Variants in YY1AP1 observed in about 807,000 individuals in gnomAD.
YY1AP1 encodes YY1 associated protein 1.
Under a neutral mutation model 39.9 loss-of-function variants are expected in YY1AP1, and 43 were observed. The ratio of observed to expected loss-of-function variants is 1.08; its 90% CI spans 0.84 to 1.39. The LOEUF is 1.39. YY1AP1 is among the 40% of genes most tolerant of loss of function. The pLI is 0.00. For missense variants in YY1AP1, 813 were observed against 900.7 expected (o/e 0.90, Z 1.25); for synonymous variants, 292 against 331.3 (o/e 0.88, Z 1.29).
chr1:155,663,349 AACAGAGTGAG>A (rs1558300150), intron 9 of YY1AP1, among the ~76,000 whole-genome samples: 1 of 143,408 alleles, frequency 7.0e-6, no homozygotes, highest in Non-Finnish European at 1.5e-5. Context: ...CCAGCCTGGC[AACAGAGTGAG>A]ACTCCATCTC....
At chr1:155,683,732 G>GT (rs899533420) in intron 2 of YY1AP1, among the ~76,000 whole-genome samples, 22 of 150,554 alleles carry the variant, frequency 1.5e-4, no homozygotes, top group African/African-American at 4.9e-4. Flanking sequence ...AAAGAGAACT[G>GT]TCATAACCAC....
chr1:155,683,097 C>T (rs951083966), intron 2 of YY1AP1, among the ~76,000 whole-genome samples: 1 of 150,860 alleles, frequency 6.6e-6, no homozygotes, highest in African/African-American at 2.4e-5. Flanking sequence ...AAAAAAAAAA[C>T]AAAAAACAAA....
At chr1:155,661,607 A>G (rs953473391) in intron 9 of YY1AP1, among the ~76,000 whole-genome samples, 184 bp from the exon 10 acceptor site, 1 of 152,126 alleles carries the variant, frequency 6.6e-6, no homozygotes, top group Non-Finnish European at 1.5e-5. Context: ...TATGCTGAAT[A>G]CTTGTACATT....
rs116705598 is a variant in YY1AP1, at chr1:155,678,507, C to A, written c.125+902G>T. On this transcript the variant is annotated intron_variant, in intron 4 of 10. Coordinates refer to ENST00000355499, the MANE Select transcript of YY1AP1 (RefSeq NM_139119.3). ...GGATGAATGGTTCCATTCTGCTATA[C>A]CAGAATTTTGTTCTATGAACTATAA... 9.7e-3 allele frequency among the ~76,000 whole-genome samples: 1,481 copies of A among 152,178 alleles called. 21 individuals carry two copies. The highest frequency in any genetic ancestry group is 0.034 in the African/African-American group (1,418 of 41,496).
At chr1:155,679,206 A>G in intron 4 of YY1AP1, 1 of 1,515,056 alleles carries the variant, frequency 6.6e-7, no homozygotes, top group Non-Finnish European at 8.9e-7. Context: ...TCCCTTCCCA[A>G]ACAGATACAG....
chr1:155,686,904 C>G (rs1183102035), intron 2 of YY1AP1, among the ~76,000 whole-genome samples: 1 of 151,578 alleles, frequency 6.6e-6, no homozygotes, highest in Non-Finnish European at 1.5e-5. Flanking sequence ...TCAGATTTGC[C>G]GACAAAGACT....
rs1175261116 is a variant in YY1AP1 at position 155,678,819 on chromosome 1, C to T, written c.125+590G>A. 4.6e-5 allele frequency among the ~76,000 whole-genome samples: 7 copies of T among 152,286 alleles called. No individual in the cohort carries two copies. In the East Asian group the frequency reaches 5.8e-4, roughly 13 times the overall value. On this transcript the variant is annotated intron_variant, in intron 4 of 10. Coordinates refer to ENST00000355499, the MANE Select transcript of YY1AP1 (RefSeq NM_139119.3). The stretch of plus-strand genomic sequence containing the variant: ...TGGCACAAACTGCATCCTGACCTCT[C>T]GCCATCGACCTAATGATTATATGCT...
Position 155,661,436 on chromosome 1 carries a change from A to G in YY1AP1, c.880-13T>C, listed in dbSNP as rs758977671. 1.7e-5 allele frequency: 28 copies of G among 1,613,728 alleles called. No individual in the cohort carries two copies. Among genetic ancestry groups the G allele is most frequent in the Non-Finnish European group, 2.3e-5 (27 of 1,179,854 alleles). Reference sequence around the variant, plus strand: ...TCTTCTTATAAAACTTAACATGAAAAAAATGCGCATGAATTACATTCCTTC... The same window carrying G: ...TCTTCTTATAAAACTTAACATGAAAGAAATGCGCATGAATTACATTCCTTC... On this transcript the variant is annotated splice_polypyrimidine_tract_variant and intron_variant, in intron 9 of 10. Transcript: ENST00000355499.
intron 5 of YY1AP1, among the ~76,000 whole-genome samples, chr1:155,676,242 A>T (rs1265000791): frequency 2.0e-5 from 3 of 151,776 alleles, no homozygotes; most frequent in Non-Finnish European, 4.4e-5. Context: ...GAAAAAAGAA[A>T]AGGGAAAAGG....
Position 155,659,563 on chromosome 1 carries a change from A to G in YY1AP1, c.*94T>C. 2 of 1,404,596 alleles carry G rather than the reference A, an allele frequency of 1.4e-6. No homozygotes were observed. Among genetic ancestry groups the G allele is most frequent in the South Asian group, 1.3e-5 (1 of 75,436 alleles). The allele number at this position is 1,404,596 out of a possible 1,614,324, so 87.0% of individuals were successfully genotyped here. On this transcript the variant is annotated 3_prime_UTR_variant, in exon 11 of 11. Transcript: ENST00000355499. ...CAGTTGCAAAATCTGGGGTTTAAGT[A>G]CCCTTTAGGGGTTTCCTATTGGTTA...
chr1:155,674,943 T>C (rs1650422151), intron 6 of YY1AP1, 67 bp downstream of exon 6: 1 of 1,422,830 alleles, frequency 7.0e-7, no homozygotes, highest in Non-Finnish European at 9.9e-7. Context: ...AGAATAACTG[T>C]GAGAAATAAC....
In YY1AP1 at chr1:155,660,225, A is replaced by C; in HGVS notation, c.1685T>G (p.Val562Gly). The part of the protein sequence containing the change: ...SVIFTVPATT[V>G]KIVSLGGGCN... ...GCCACCGCCAAGGCTCACAATCTTC[A>C]CAGTGGTAGCAGGAACAGTGAAGAT... Residue 562 changes from valine to glycine, a missense_variant, in exon 11 of 11, where the codon GTG (valine) becomes GGG (glycine). Around this residue, in one of 3 missense-constraint regions of YY1AP1, gnomAD observed 586 missense variants for 647.4 expected, o/e 0.91. Transcript: ENST00000355499. 2 of 1,614,212 alleles carry C rather than the reference A, an allele frequency of 1.2e-6. No individual in the cohort carries two copies. Among genetic ancestry groups the C allele is most frequent in the Non-Finnish European group, 1.7e-6 (2 of 1,180,044 alleles).
intron 2 of YY1AP1, among the ~76,000 whole-genome samples, chr1:155,684,134 G>C (rs1651890828): frequency 6.6e-6 from 1 of 152,156 alleles, no homozygotes; most frequent in Non-Finnish European, 1.5e-5. Context: ...TGTAATCCCA[G>C]CTATTTGGGA....
At chr1:155,680,878 A>G (rs1479215028) in intron 2 of YY1AP1, among the ~76,000 whole-genome samples, 1 of 146,956 alleles carries the variant, frequency 6.8e-6, no homozygotes, top group Non-Finnish European at 1.5e-5. Context: ...TCCTTCATTC[A>G]TTTATTCAAA....
intron 2 of YY1AP1, among the ~76,000 whole-genome samples, chr1:155,681,069 T>G (rs567083271): frequency 6.6e-6 from 1 of 151,796 alleles, no homozygotes; most frequent in African/African-American, 2.4e-5. Flanking sequence ...TCGCTCTTGT[T>G]GCCCAGGCTG....
chr1:155,676,893 C>G (rs1650776649), intron 4 of YY1AP1, 147 bp from the exon 5 acceptor site: 2 of 783,090 alleles, frequency 2.6e-6, no homozygotes, highest in Non-Finnish European at 2.0e-6. Flanking sequence ...AAACTCCCAG[C>G]CTTACACAAA....
chr1:155,680,349 C>T, intron 3 of YY1AP1, 67 bp downstream of exon 3: 1 of 1,576,148 alleles, frequency 6.3e-7, no homozygotes, highest in Non-Finnish European at 8.7e-7. Flanking sequence ...TCACAGAGAT[C>T]AAAGGACACA....
At chr1:155,676,804 A>T in intron 4 of YY1AP1, 58 bp from the exon 5 acceptor site, 1 of 1,534,966 alleles carries the variant, frequency 6.5e-7, no homozygotes, top group South Asian at 1.1e-5. Flanking sequence ...AACACATCCA[A>T]TTCTTTGCAA....
chr1:155,670,596 T>C, intron 7 of YY1AP1, 132 bp from the exon 8 acceptor site: 1 of 884,296 alleles, frequency 1.1e-6, no homozygotes, highest in Non-Finnish European at 1.7e-6. Flanking sequence ...TGCCTACCAC[T>C]CCCCAAAGAG....
Sources: allele counts gnomAD v4.1 joint callset (sites outside exome capture counted in the v4.1 genomes callset), GRCh38; gene constraint gnomAD v4.1.1; regional missense constraint gnomAD v4.1.1; transcripts MANE v1.5; gene names NCBI Gene and HGNC (gene_info 2026-07-23, HGNC 2026-07-21).